The following MBD5 variants were observed in gnomAD, a reference collection of about 807,000 sequenced individuals.
MBD5 encodes the protein methyl-CpG-binding domain protein 5.
A neutral mutation model predicts 117.3 loss-of-function variants in MBD5; 13 were observed. That is an observed-to-expected ratio of 0.11 (90% CI 0.07 to 0.18). MBD5 has a LOEUF of 0.18. MBD5 is among the 10% of genes least tolerant of loss of function. The pLI is 1.00. For synonymous variants in MBD5, 727 were observed against 766.4 expected, an observed-to-expected ratio of 0.95 and a Z score of 0.85; for missense variants, 1,879 against 2,093.8, an observed-to-expected ratio of 0.90 and a Z score of 2.00.
At chr2:148,166,367 A>C (rs969903472) in intron 1 of MBD5, among the ~76,000 whole-genome samples, 6 of 152,146 alleles carry the variant, frequency 3.9e-5, no homozygotes, top group Admixed American at 2.0e-4. Flanking sequence ...TAGGATTTGA[A>C]ATATTATTCT....
At chr2:148,270,302 T>G (rs1700953188) in intron 3 of MBD5, among the ~76,000 whole-genome samples, 1 of 152,128 alleles carries the variant, frequency 6.6e-6, no homozygotes, top group African/African-American at 2.4e-5. Flanking sequence ...ATTTTTCTGA[T>G]AGAGAGCATT....
intron 3 of MBD5, among the ~76,000 whole-genome samples, chr2:148,325,447 T>G (rs1702419173): frequency 6.6e-6 from 1 of 152,234 alleles, no homozygotes; most frequent in Non-Finnish European, 1.5e-5. Context: ...AGAATTCGGC[T>G]GTGAATCCGT....
In MBD5 at chr2:148,299,289, G is replaced by A. The variant is rs368397084; in HGVS notation, c.-679-42925G>A. The stretch of plus-strand genomic sequence containing the variant: ...ATTCCAGGCATGCACCACCACACCC[G>A]GCTAATTTTTGTATTTTTAGTAGAG... On this transcript the variant is annotated intron_variant, in intron 3 of 13. Transcript: ENST00000642680. 2.8e-4 allele frequency among the ~76,000 whole-genome samples: 42 copies of A among 151,958 alleles called. No individual in the cohort carries two copies. In the East Asian group the frequency reaches 7.2e-3, roughly 26 times the overall value.
chr2:148,046,494 C>T (rs1694538131), intron 1 of MBD5, among the ~76,000 whole-genome samples: 1 of 152,090 alleles, frequency 6.6e-6, no homozygotes, highest in Admixed American at 6.6e-5. Context: ...CCACAAACCT[C>T]TTTTGCTTGT....
At chr2:148,398,951 T>A (rs932005661) in intron 4 of MBD5, among the ~76,000 whole-genome samples, 3 of 152,214 alleles carry the variant, frequency 2.0e-5, no homozygotes, top group Non-Finnish European at 4.4e-5. Context: ...TTGTCAAAGA[T>A]CAGATAGTTG....
chr2:148,242,909 T>C (rs937123965), intron 3 of MBD5, among the ~76,000 whole-genome samples: 1 of 152,216 alleles, frequency 6.6e-6, no homozygotes, highest in African/African-American at 2.4e-5. Flanking sequence ...CATAGGATTT[T>C]ATGTGTGGGT....
In MBD5 at chr2:148,021,183, C is replaced by G; in HGVS notation, c.-1426C>G. The G allele has an allele frequency of 5.3e-6, 1 of 190,292 alleles. No individual in the cohort carries two copies. The highest frequency in any genetic ancestry group is 7.6e-5 in the South Asian group (1 of 13,242). 11.8% of individuals were successfully genotyped at this position (190,292 alleles called of 1,614,324 possible). Reference sequence around the variant, plus strand: ...CCTTTTATTTCTATTTTTAAAGGGACAGGACACTAATTCTACCCCACTTCA... The same window carrying G: ...CCTTTTATTTCTATTTTTAAAGGGAGAGGACACTAATTCTACCCCACTTCA... On this transcript the variant is annotated 5_prime_UTR_variant, in exon 1 of 14. Coordinates refer to ENST00000642680, the MANE Select transcript of MBD5 (RefSeq NM_001378120.1).
intron 4 of MBD5, among the ~76,000 whole-genome samples, chr2:148,439,157 T>C (rs1706242368): frequency 6.6e-6 from 1 of 152,184 alleles, no homozygotes; most frequent in Non-Finnish European, 1.5e-5. Context: ...TCCTCAGAAG[T>C]TGACTTTCAG....
intron 3 of MBD5, among the ~76,000 whole-genome samples, chr2:148,274,045 C>CT (rs879902351): frequency 5.9e-4 from 90 of 151,898 alleles, no homozygotes; most frequent in African/African-American, 2.1e-3. Context: ...TTTTCTTAAT[C>CT]TTTTTTTATT....
At chr2:148,322,814 T>C (rs1472117794) in intron 3 of MBD5, among the ~76,000 whole-genome samples, 1 of 152,082 alleles carries the variant, frequency 6.6e-6, no homozygotes, top group Admixed American at 6.6e-5. Flanking sequence ...CCTGATGAAG[T>C]AGATGCAAAA....
At chr2:148,168,672 G>C (rs1574089317) in intron 1 of MBD5, among the ~76,000 whole-genome samples, 1 of 152,052 alleles carries the variant, frequency 6.6e-6, no homozygotes, top group African/African-American at 2.4e-5. Flanking sequence ...GAGCCCAAGA[G>C]GTCAAGGCTG....
intron 4 of MBD5, among the ~76,000 whole-genome samples, chr2:148,435,485 C>A (rs1706128280): frequency 3.9e-5 from 6 of 152,264 alleles, no homozygotes; most frequent in Middle Eastern, 6.8e-3. Flanking sequence ...GATCTTATTT[C>A]TCCTTCACTT....
chr2:148,472,827 T>C (rs1680839477), intron 8 of MBD5, among the ~76,000 whole-genome samples: 2 of 152,202 alleles, frequency 1.3e-5, no homozygotes. Flanking sequence ...ACCTTTTATG[T>C]ACCAGGTGAT....
At chr2:148,145,799 C>T (rs907664051) in intron 1 of MBD5, among the ~76,000 whole-genome samples, 1 of 152,144 alleles carries the variant, frequency 6.6e-6, no homozygotes, top group African/African-American at 2.4e-5. Context: ...GGATGAAGCA[C>T]ACTTGATCGT....
intron 4 of MBD5, among the ~76,000 whole-genome samples, chr2:148,450,070 C>A (rs1021998023): frequency 2.0e-5 from 3 of 151,916 alleles, no homozygotes; most frequent in African/African-American, 7.3e-5. Context: ...TTTCACCTAA[C>A]AAAATCATGG....
Position 148,270,445 on chromosome 2 carries a change from G to A in MBD5, c.-680+37050G>A, listed in dbSNP as rs1010466147. ...ACCCTGTCACCCAGACTGGAGTGCA[G>A]TGTCAACATCTCGGCTCACTGCAAC... is the stretch of plus-strand genomic sequence containing the variant. On this transcript the variant is annotated intron_variant, in intron 3 of 13. Transcript: ENST00000642680. Among the ~76,000 whole-genome samples, 7 of 148,706 alleles carry A rather than the reference G, an allele frequency of 4.7e-5. No homozygotes were observed. In the South Asian group the frequency reaches 1.5e-3, roughly 32 times the overall value.
intron 4 of MBD5, among the ~76,000 whole-genome samples, chr2:148,443,107 A>G (rs1263349901): frequency 1.3e-5 from 2 of 151,458 alleles, no homozygotes; most frequent in Non-Finnish European, 2.9e-5. Context: ...CATTTCTCAG[A>G]AGAAGTCATA....
chr2:148,333,640 A>G (rs1381182565), intron 3 of MBD5, among the ~76,000 whole-genome samples: 2 of 151,872 alleles, frequency 1.3e-5, no homozygotes, highest in Admixed American at 1.3e-4. Flanking sequence ...TCAAGAGTTC[A>G]AGATCAGCCC....
At chr2:148,487,163 C>T (rs60268323) in intron 10 of MBD5, among the ~76,000 whole-genome samples, 1,597 of 152,250 alleles carry the variant, frequency 0.01, 28 homozygotes, top group African/African-American at 0.036. Context: ...GACTCCAGTG[C>T]TATAGTATTG....
Sources: gnomAD v4.1 joint callset for allele counts (sites outside exome capture counted in the v4.1 genomes callset) on GRCh38, gnomAD v4.1.1 for gene constraint, MANE v1.5 for transcripts, NCBI Gene and HGNC (gene_info 2026-07-23, HGNC 2026-07-21) for gene names.